PTPN3: variants seen among roughly 807,000 people sequenced by gnomAD.
The protein encoded by PTPN3 is protein tyrosine phosphatase non-receptor type 3.
Under a neutral mutation model 132.7 loss-of-function variants are expected in PTPN3, and 96 were observed. The ratio of observed to expected loss-of-function variants is 0.72; its 90% CI spans 0.61 to 0.86. The LOEUF is 0.86. Ranked by LOEUF, PTPN3 falls within the 40% of genes least tolerant of loss-of-function variation. PTPN3 has a pLI of 0.00. For synonymous variants in PTPN3, 398 were observed against 429.0 expected, an observed-to-expected ratio of 0.93 and a Z score of 0.89; for missense variants, 1,125 against 1,159.6, an observed-to-expected ratio of 0.97 and a Z score of 0.43.
chr9:109,451,127 T>C lies in PTPN3; in HGVS notation c.369-2272A>G, dbSNP rs1007843721. ...GATCTGGCAGCTAGTCGTGGTGGTATGTGCCTATAATCCCAGCTACTCAGG... is the reference window on the plus strand; with the variant it reads ...GATCTGGCAGCTAGTCGTGGTGGTACGTGCCTATAATCCCAGCTACTCAGG... On this transcript the variant is annotated intron_variant, in intron 5 of 25. Transcript: ENST00000374541. 7 of 966,268 alleles carry C rather than the reference T, an allele frequency of 7.2e-6. No individual in the cohort carries two copies. The African/African-American group carries it at 1.1e-4, about 15-fold the overall frequency. The allele number at this position is 966,268 out of a possible 1,614,324, so 59.9% of individuals were successfully genotyped here.
intron 6 of PTPN3, among the ~76,000 whole-genome samples, chr9:109,446,866 T>TGAA (rs533614947): frequency 6.7e-4 from 102 of 152,290 alleles, no homozygotes; most frequent in African/African-American, 2.4e-3. Context: ...ACCTGCTGAG[T>TGAA]GAAGGGCTTG....
intron 9 of PTPN3, among the ~76,000 whole-genome samples, chr9:109,435,390 C>T (rs901555290): frequency 6.6e-6 from 1 of 152,182 alleles, no homozygotes; most frequent in African/African-American, 2.4e-5. Context: ...TGTAACCCTG[C>T]AGCTTCCTGT....
rs1187472915 is a variant in PTPN3, at chr9:109,375,706, A to C, written c.*3850T>G. 6.6e-6 allele frequency: 1 copy of C among 152,270 alleles called. No homozygotes were observed. Among genetic ancestry groups the C allele is most frequent in the Non-Finnish European group, 1.5e-5 (1 of 68,040 alleles). The allele number at this position is 152,270 out of a possible 1,614,324, so 9.4% of individuals were successfully genotyped here. ...TCAACAGACAATAACAGTGTTGCAT[A>C]GCTTGAACATTTTTATATTGATTAA... On this transcript the variant is annotated 3_prime_UTR_variant, in exon 26 of 26. Transcript: ENST00000374541.
At chr9:109,419,871 T>C (rs1842771272) in intron 14 of PTPN3, among the ~76,000 whole-genome samples, 1 of 151,974 alleles carries the variant, frequency 6.6e-6, no homozygotes, top group South Asian at 2.1e-4. Flanking sequence ...AAAAGCGGGG[T>C]GGGGGAGGTA....
At chr9:109,381,955 C>A (rs941369702) in intron 24 of PTPN3, among the ~76,000 whole-genome samples, 168 bp from the exon 25 acceptor site, 1 of 152,210 alleles carries the variant, frequency 6.6e-6, no homozygotes, top group Non-Finnish European at 1.5e-5. Flanking sequence ...AGCCTGTCCT[C>A]ACACATCTGA....
chr9:109,413,170 G>A (rs907813456), intron 14 of PTPN3, among the ~76,000 whole-genome samples: 1 of 149,906 alleles, frequency 6.7e-6, no homozygotes. Context: ...TAGTCAGGAT[G>A]GTCTCGATCT....
At chr9:109,450,281 G>C (rs76129065) in intron 5 of PTPN3, 2 of 985,354 alleles carry the variant, frequency 2.0e-6, no homozygotes, top group East Asian at 2.3e-4. Flanking sequence ...CCACCTAGGA[G>C]AACATCATCA....
rs149263673 is a variant in PTPN3, at chr9:109,460,479, G to C, written c.138+2818C>G. Among the ~76,000 whole-genome samples the C allele has an allele frequency of 1.8e-3, 276 of 152,088 alleles. 1 individual carries two copies. Among genetic ancestry groups the C allele is most frequent in the African/African-American group, 6.2e-3 (256 of 41,484 alleles). ...CAGAATGATCTACAAGGCTCCATGC[G>C]ATCCCCCACCCCTTACCCCTGTTAT... On this transcript the variant is annotated intron_variant, in intron 2 of 25. Coordinates refer to ENST00000374541, the MANE Select transcript of PTPN3 (RefSeq NM_002829.4).
the PTPN3 span, chr9:109,532,819 TA>T: frequency 1.2e-6 from 1 of 824,542 alleles, no homozygotes; most frequent in African/African-American, 1.8e-5. Context: ...ATAGAGATGA[TA>T]AGTCGGAATT....
the PTPN3 span, among the ~76,000 whole-genome samples, chr9:109,510,552 T>G: frequency 1.0e-5 from 1 of 95,370 alleles, no homozygotes. Flanking sequence ...GAGCGAAACT[T>G]TGTCTTAAAA....
At chr9:109,465,263 G>A (rs937153236) in intron 1 of PTPN3, among the ~76,000 whole-genome samples, 1 of 152,156 alleles carries the variant, frequency 6.6e-6, no homozygotes, top group African/African-American at 2.4e-5. Flanking sequence ...GTAGGTGGGA[G>A]GATCTAGGCT....
chr9:109,533,313 T>A, the PTPN3 span: 2 of 418,848 alleles, frequency 4.8e-6, no homozygotes, highest in South Asian at 2.3e-5. Flanking sequence ...CCCGGCTAAT[T>A]TTTTGTATTT....
intron 5 of PTPN3, 100 bp downstream of exon 5, chr9:109,454,396 A>C: frequency 3.0e-6 from 3 of 1,015,340 alleles, no homozygotes; most frequent in Non-Finnish European, 4.6e-6. Flanking sequence ...AGTTACACCC[A>C]AATGAAGTTA....
intron 1 of PTPN3, among the ~76,000 whole-genome samples, chr9:109,493,920 T>C (rs927113963): frequency 6.6e-6 from 1 of 152,206 alleles, no homozygotes; most frequent in South Asian, 2.1e-4. Flanking sequence ...GAAGATTAAA[T>C]GAATTAAGTT....
intron 1 of PTPN3, among the ~76,000 whole-genome samples, chr9:109,482,541 A>AT (rs536529669): frequency 5.1e-4 from 77 of 152,078 alleles, no homozygotes; most frequent in East Asian, 9.7e-4. Flanking sequence ...AACTGATCTA[A>AT]TTTTTTTTGT....
At chr9:109,395,283 A>T (rs1840479950) in intron 19 of PTPN3, among the ~76,000 whole-genome samples, 1 of 152,104 alleles carries the variant, frequency 6.6e-6, no homozygotes, top group Non-Finnish European at 1.5e-5. Flanking sequence ...AAAGTGAGAA[A>T]AAGAAATACA....
At position 109,380,174 on chromosome 9, in the gene PTPN3, G is replaced by A. The variant is rs924436911; in HGVS notation, c.2665-541C>T. 3.3e-5 allele frequency among the ~76,000 whole-genome samples: 5 copies of A among 152,108 alleles called. No individual in the cohort carries two copies. In the East Asian group the frequency reaches 9.6e-4, roughly 29 times the overall value. ...AACATATTGTAGCAAAGTATACAGG[G>A]GGGATAAAAGCATTTAGACTGAGCT... On this transcript the variant is annotated intron_variant, in intron 25 of 25. Transcript: ENST00000374541.
chr9:109,444,196 T>C (rs1564447789), intron 7 of PTPN3, among the ~76,000 whole-genome samples: 11 of 152,204 alleles, frequency 7.2e-5, no homozygotes. Context: ...GGAGATTTCT[T>C]AGGTCTGGAG....
intron 1 of PTPN3, among the ~76,000 whole-genome samples, chr9:109,476,511 A>T (rs1846675230): frequency 6.6e-6 from 1 of 152,166 alleles, no homozygotes; most frequent in Admixed American, 6.5e-5. Context: ...ACATGCTGGG[A>T]GCTGAGAATA....
Sources: gnomAD v4.1 joint callset for allele counts (sites outside exome capture counted in the v4.1 genomes callset) on GRCh38, gnomAD v4.1.1 for gene constraint, MANE v1.5 for transcripts, NCBI Gene and HGNC (gene_info 2026-07-23, HGNC 2026-07-21) for gene names.